The following LUZP1 variants were observed in gnomAD, a reference collection of about 807,000 sequenced individuals.
LUZP1 encodes the protein leucine zipper protein 1.
LUZP1 carries 25 observed loss-of-function variants against 71.3 expected under a neutral mutation model. That is an observed-to-expected ratio of 0.35 (90% CI 0.26 to 0.49). The LOEUF (loss-of-function observed/expected upper bound fraction) is 0.49. Ranked by LOEUF, LUZP1 falls within the 20% of genes least tolerant of loss-of-function variation. The probability of loss-of-function intolerance (pLI) is 0.99; values close to 1 mark genes in which losing one functional copy is unlikely to be tolerated. For missense variants in LUZP1, 1,142 were observed against 1,300.8 expected, an observed-to-expected ratio of 0.88 and a Z score of 1.88; for synonymous variants, 481 against 506.4, an observed-to-expected ratio of 0.95 and a Z score of 0.67.
Position 23,127,284 on chromosome 1 carries a change from T to C in LUZP1, c.-225-18157A>G, listed in dbSNP as rs1335036669. Among the ~76,000 whole-genome samples the C allele has an allele frequency of 2.0e-5, 3 of 152,224 alleles. No homozygotes were observed. The East Asian group carries it at 5.8e-4, about 29-fold the overall frequency. ...TTAGCAATTTGCAACTAATAACTAA[T>C]TAGCAGGGCTGGGATTTGAATTCAG... On this transcript the variant is annotated intron_variant, in intron 2 of 4. Transcript: ENST00000302291.
intron 2 of LUZP1, among the ~76,000 whole-genome samples, chr1:23,131,240 A>G (rs1644212947): frequency 1.3e-5 from 2 of 150,948 alleles, no homozygotes; most frequent in South Asian, 4.2e-4. Flanking sequence ...AAAAAAAAAA[A>G]AAAAAAAGAT....
chr1:23,093,258 A>G lies in LUZP1; in HGVS notation c.1004T>C (p.Leu335Ser). 6.2e-7 allele frequency: 1 copy of G among 1,612,688 alleles called. No homozygotes were observed. The highest frequency in any genetic ancestry group is 1.1e-5 in the South Asian group (1 of 90,714). ...TATCTCCTCCAGTTGGCTGGCTAATAATTTGTTTTTATTTTGTTCACTTAG... is the reference window on the plus strand; with the variant it reads ...TATCTCCTCCAGTTGGCTGGCTAATGATTTGTTTTTATTTTGTTCACTTAG... The change falls in exon 4 of 5, where the codon TTA (leucine) becomes TCA (serine). Residue 335 changes from leucine (L) to serine (S), a missense_variant. By Grantham distance (145) the Leu-to-Ser change is moderately radical. Transcript: ENST00000302291. The surrounding 1 kb of genome is among the most constrained non-coding windows in gnomAD (Gnocchi z 4.2).
intron 2 of LUZP1, among the ~76,000 whole-genome samples, chr1:23,156,175 T>C (rs1644419535): frequency 6.6e-6 from 1 of 152,020 alleles, no homozygotes; most frequent in Non-Finnish European, 1.5e-5. Flanking sequence ...GAGGTCGTAG[T>C]TCGAGACCAG....
At chr1:23,157,388 C>T (rs1037019059) in intron 2 of LUZP1, among the ~76,000 whole-genome samples, 5 of 152,098 alleles carry the variant, frequency 3.3e-5, no homozygotes, top group Admixed American at 2.6e-4. Flanking sequence ...TTTAAAAAGC[C>T]GTCCTAGGCC....
chr1:23,154,205 T>G (rs1408187981), intron 2 of LUZP1, among the ~76,000 whole-genome samples: 1 of 152,104 alleles, frequency 6.6e-6, no homozygotes, highest in Admixed American at 6.6e-5. Context: ...AGAAGGGACT[T>G]TGCAGAGGTG....
In LUZP1 at chr1:23,151,459, G is replaced by A. The variant is rs925223994; in HGVS notation, c.-226+17307C>T. ...ATTCAAATTACTATCTAATCAATTA[G>A]CTCAACTGACCCACTCTTTATTCCT... On this transcript the variant is annotated intron_variant, in intron 2 of 4. Coordinates refer to ENST00000302291, the Ensembl canonical transcript of LUZP1. 6.6e-5 allele frequency among the ~76,000 whole-genome samples: 10 copies of A among 152,214 alleles called. 1 individual carries two copies. The highest frequency in any genetic ancestry group is 6.8e-3 in the Middle Eastern group (2 of 294).
chr1:23,107,498 T>C (rs905811060), intron 3 of LUZP1, among the ~76,000 whole-genome samples: 1 of 152,166 alleles, frequency 6.6e-6, no homozygotes, highest in African/African-American at 2.4e-5. Flanking sequence ...CAAAATATTT[T>C]ATGTGTAATA....
chr1:23,125,604 T>G (rs991220996), intron 2 of LUZP1, among the ~76,000 whole-genome samples: 2 of 152,200 alleles, frequency 1.3e-5, no homozygotes, highest in Non-Finnish European at 2.9e-5. Flanking sequence ...CAATTCAGCA[T>G]TCTCCATTCA....
chr1:23,162,361 A>C (rs1224965563), intron 2 of LUZP1, among the ~76,000 whole-genome samples: 3 of 152,228 alleles, frequency 2.0e-5, no homozygotes, highest in East Asian at 3.9e-4. Context: ...AAAAAACATC[A>C]AATTCCACTT....
chr1:23,122,020 A>AT (rs1233627104), intron 2 of LUZP1, among the ~76,000 whole-genome samples: 7 of 152,134 alleles, frequency 4.6e-5, no homozygotes, highest in African/African-American at 1.7e-4. Flanking sequence ...TTAAAAATAA[A>AT]TAAATTAATT....
At chr1:23,176,863 C>T (rs934427751) in intron 1 of LUZP1, among the ~76,000 whole-genome samples, 19 of 150,604 alleles carry the variant, frequency 1.3e-4, no homozygotes, top group African/African-American at 4.4e-4. Context: ...ACTTGGAGAG[C>T]TATAATTTTG....
intron 2 of LUZP1, among the ~76,000 whole-genome samples, chr1:23,123,004 C>G (rs1286347577): frequency 1.3e-5 from 2 of 152,224 alleles, no homozygotes; most frequent in Admixed American, 6.5e-5. Context: ...GGACAAGATG[C>G]AGCATGCTCG....
chr1:23,164,606 G>T (rs970989975), intron 2 of LUZP1, among the ~76,000 whole-genome samples: 6 of 152,180 alleles, frequency 3.9e-5, no homozygotes, highest in Admixed American at 2.6e-4. Context: ...CAGGTTCCAG[G>T]CATTTTCTAA....
At chr1:23,162,784 CTAATTCA>C (rs1228630931) in intron 2 of LUZP1, 1 of 152,114 alleles carries the variant, frequency 6.6e-6, no homozygotes, top group Non-Finnish European at 1.5e-5. Context: ...GGATGACATG[CTAATTCA>C]TAAAGCAGTC....
chr1:23,139,443 T>A (rs372619548), intron 2 of LUZP1, among the ~76,000 whole-genome samples: 60 of 152,124 alleles, frequency 3.9e-4, no homozygotes, highest in African/African-American at 1.4e-3. Flanking sequence ...TACAGATGGA[T>A]TTTCTTCTAC....
intron 1 of LUZP1, chr1:23,177,431 A>C (rs1483564276): frequency 6.6e-6 from 1 of 152,260 alleles, no homozygotes; most frequent in African/African-American, 2.4e-5. Context: ...TTTAGGATGA[A>C]ACAGACCCCG....
At chr1:23,171,905 A>G (rs1008341107) in intron 1 of LUZP1, among the ~76,000 whole-genome samples, 13 of 152,218 alleles carry the variant, frequency 8.5e-5, no homozygotes, top group Non-Finnish European at 1.6e-4. Flanking sequence ...CCATGATCCC[A>G]GCAACCACTT....
chr1:23,123,492 C>CA lies in LUZP1; in HGVS notation c.-225-14366dup, dbSNP rs10716851. ...GGGCAACAGAGTGAGACTTTGTCTC[C>CA]AAAAAAAAAAAAAAAAAAGCATCAT... On this transcript the variant is annotated intron_variant, in intron 2 of 4. Coordinates refer to ENST00000302291, the Ensembl canonical transcript of LUZP1. Among the ~76,000 whole-genome samples the CA allele has an allele frequency of 9.0e-3, 966 of 106,780 alleles. 4 individuals are homozygous for CA. Among genetic ancestry groups the CA allele is most frequent in the Middle Eastern group, 0.014 (3 of 214 alleles). 70.1% of individuals were successfully genotyped at this position (106,780 alleles called of 152,430 possible).
At chr1:23,121,628 G>A (rs2124667881) in intron 2 of LUZP1, among the ~76,000 whole-genome samples, 1 of 152,276 alleles carries the variant, frequency 6.6e-6, no homozygotes, top group South Asian at 2.1e-4. Context: ...GCTGAAGTGG[G>A]AGGATAGCTT....
Sources: allele counts gnomAD v4.1 joint callset (sites outside exome capture counted in the v4.1 genomes callset), GRCh38; gene constraint gnomAD v4.1.1; non-coding constraint Gnocchi (gnomAD v3.1); transcripts MANE v1.5; gene names NCBI Gene and HGNC (gene_info 2026-07-23, HGNC 2026-07-21).